The following SLC16A12 variants were observed in gnomAD, a reference collection of about 807,000 sequenced individuals.
SLC16A12 encodes the protein solute carrier family 16 member 12.
In SLC16A12, 17 loss-of-function variants were observed where a neutral mutation model predicts 42.4. The observed-to-expected ratio is 0.40, with a 90% CI of 0.27 to 0.60. The LOEUF is 0.60. SLC16A12 is among the 20% of genes least tolerant of loss of function. SLC16A12 has a pLI of 0.42. For synonymous variants in SLC16A12, 224 were observed against 229.4 expected, an observed-to-expected ratio of 0.98 and a Z score of 0.21; for missense variants, 544 against 623.0, an observed-to-expected ratio of 0.87 and a Z score of 1.35.
At chr10:89,436,914 A>AAGAAAGAAAGAAAGAATGAAAAAG (rs796398100) in intron 6 of SLC16A12, among the ~76,000 whole-genome samples, 1 of 136,462 alleles carries the variant, frequency 7.3e-6, no homozygotes, top group Non-Finnish European at 1.6e-5. Flanking sequence ...GAAAGAAAGA[A>AAGAAAGAAAGAAAGAATGAAAAAG]AAAGAAAGAG....
intron 2 of SLC16A12, among the ~76,000 whole-genome samples, chr10:89,481,784 C>T (rs530991874): frequency 6.6e-6 from 1 of 151,886 alleles, no homozygotes; most frequent in South Asian, 2.1e-4. Flanking sequence ...AGTGATGCAA[C>T]ATTTGATGAC....
chr10:89,431,054 G>A lies in SLC16A12; in HGVS notation c.*2010C>T, dbSNP rs995076077. The A allele has an allele frequency of 2.2e-5, 5 of 230,826 alleles. No homozygotes were observed. The highest frequency in any genetic ancestry group is 9.5e-5 in the African/African-American group (4 of 42,052). The allele number at this position is 230,826 out of a possible 1,614,324, so 14.3% of individuals were successfully genotyped here. On this transcript the variant is annotated 3_prime_UTR_variant, in exon 8 of 8. Coordinates refer to ENST00000371790, the MANE Select transcript of SLC16A12 (RefSeq NM_213606.4). The stretch of plus-strand genomic sequence containing the variant: ...GCTCTGTCGCCCAGGGTGGAGTGCA[G>A]TGGCATGATTTTGGCTCACTGCAAC...
chr10:89,549,498 A>C (rs567812755), intron 2 of SLC16A12, among the ~76,000 whole-genome samples: 36 of 152,376 alleles, frequency 2.4e-4, no homozygotes, highest in African/African-American at 8.7e-4. Context: ...GTTTCTAGCA[A>C]TATAAATAAT....
chr10:89,465,919 TGAGGAAGAAACAAGCCC>T (rs1225452068), intron 2 of SLC16A12, among the ~76,000 whole-genome samples: 8 of 152,270 alleles, frequency 5.3e-5, no homozygotes, highest in African/African-American at 1.9e-4. Context: ...AGAAAAGACA[TGAGGAAGAAACAAGCCC>T]CTCTTCTTCC....
intron 2 of SLC16A12, among the ~76,000 whole-genome samples, chr10:89,490,561 T>C (rs191710292): frequency 6.6e-6 from 1 of 152,310 alleles, no homozygotes; most frequent in East Asian, 1.9e-4. Context: ...TTATAAAGGA[T>C]ACAGCTCAGG....
chr10:89,519,329 C>T, intron 2 of SLC16A12, among the ~76,000 whole-genome samples: 1 of 151,954 alleles, frequency 6.6e-6, no homozygotes. Flanking sequence ...ACAATTTACC[C>T]ACGGAACAAA....
intron 3 of SLC16A12, among the ~76,000 whole-genome samples, chr10:89,449,812 T>C (rs921280237): frequency 1.3e-5 from 2 of 151,924 alleles, no homozygotes; most frequent in Admixed American, 6.5e-5. Flanking sequence ...ACCATCAGAG[T>C]GAACAGGCAA....
intron 1 of SLC16A12, chr10:89,556,109 T>C (rs1436972092): frequency 6.6e-6 from 1 of 152,132 alleles, no homozygotes; most frequent in Non-Finnish European, 1.5e-5. Context: ...CCTCCCAAGA[T>C]GGTCAGCATC....
At chr10:89,539,917 T>TTTTTTTC (rs1564604846), upstream of SLC16A12, among the ~76,000 whole-genome samples, 1 of 136,952 alleles carries the variant, frequency 7.3e-6, no homozygotes, top group African/African-American at 2.7e-5. Flanking sequence ...TTCTTTTTTC[T>TTTTTTTC]TTTTTTCTTT....
At chr10:89,503,733 G>C (rs139320686) in intron 2 of SLC16A12, among the ~76,000 whole-genome samples, 7 of 152,192 alleles carry the variant, frequency 4.6e-5, no homozygotes, top group African/African-American at 1.7e-4. Context: ...TGGAAAGAAA[G>C]ATGCTTGTGG....
chr10:89,532,535 G>C (rs34793067), intron 2 of SLC16A12, among the ~76,000 whole-genome samples: 14,748 of 152,208 alleles, frequency 0.097, 764 homozygotes, highest in Non-Finnish European at 0.12. Flanking sequence ...TTCAATGGGT[G>C]ACTTTTTATA....
At chr10:89,455,685 A>C (rs928817655) in intron 3 of SLC16A12, among the ~76,000 whole-genome samples, 2 of 152,162 alleles carry the variant, frequency 1.3e-5, no homozygotes, top group Non-Finnish European at 2.9e-5. Context: ...CTCACTCCAG[A>C]AATTATTTTT....
intron 2 of SLC16A12, among the ~76,000 whole-genome samples, chr10:89,513,053 T>C (rs1269121018): frequency 6.6e-6 from 1 of 152,184 alleles, no homozygotes; most frequent in African/African-American, 2.4e-5. Context: ...TTCTCAAGTA[T>C]TGAGAATAGA....
chr10:89,523,938 A>G (rs1266039042), intron 2 of SLC16A12, among the ~76,000 whole-genome samples: 1 of 152,230 alleles, frequency 6.6e-6, no homozygotes, highest in African/African-American at 2.4e-5. Context: ...GTATCGCGTG[A>G]GCACAGTCTA....
upstream of SLC16A12, chr10:89,535,706 T>C (rs1843646948): frequency 6.6e-6 from 1 of 151,472 alleles, no homozygotes; most frequent in African/African-American, 2.4e-5. Context: ...ACTGCAGCCC[T>C]GGCGGTAGCG....
intron 2 of SLC16A12, among the ~76,000 whole-genome samples, chr10:89,530,116 G>C (rs1843521078): frequency 6.6e-6 from 1 of 152,304 alleles, no homozygotes; most frequent in South Asian, 2.1e-4. Context: ...CATGATTGGA[G>C]TTCTATGTTA....
At chr10:89,478,002 A>C (rs1842606288) in intron 2 of SLC16A12, among the ~76,000 whole-genome samples, 1 of 152,142 alleles carries the variant, frequency 6.6e-6, no homozygotes, top group Non-Finnish European at 1.5e-5. Flanking sequence ...CAATAAAGAC[A>C]TTGTTTATAA....
chr10:89,540,135 G>A (rs1054754780), upstream of SLC16A12, among the ~76,000 whole-genome samples: 7 of 150,336 alleles, frequency 4.7e-5, no homozygotes, highest in Non-Finnish European at 8.9e-5. Flanking sequence ...GCCTCACTCT[G>A]TCACCCAGGT....
In SLC16A12 at chr10:89,530,711, G is replaced by C. The variant is rs546359807; in HGVS notation, c.-47+3790C>G. Among the ~76,000 whole-genome samples, 13 of 152,170 alleles carry C rather than the reference G, an allele frequency of 8.5e-5. No individual in the cohort carries two copies. The East Asian group carries it at 1.5e-3, about 18-fold the overall frequency. The stretch of plus-strand genomic sequence containing the variant: ...TGGGATTACAGGTGTGAGCCACGGC[G>C]CCCGGCTGGTGGTTTTCATATATTT... On this transcript the variant is annotated intron_variant, in intron 2 of 7. Transcript: ENST00000371790.
Sources: gnomAD v4.1 joint callset for allele counts (sites outside exome capture counted in the v4.1 genomes callset) on GRCh38, gnomAD v4.1.1 for gene constraint, MANE v1.5 for transcripts, NCBI Gene and HGNC (gene_info 2026-07-23, HGNC 2026-07-21) for gene names.